Variants in ABCC4 observed in about 807,000 individuals in gnomAD.
ABCC4 encodes the protein ATP binding cassette subfamily C member 4 (PEL blood group).
In ABCC4, 102 loss-of-function variants were observed where a neutral mutation model predicts 168.5. The ratio of observed to expected loss-of-function variants is 0.61; its 90% CI spans 0.52 to 0.71. The LOEUF is 0.71. Among genes scored for constraint, ABCC4 ranks in the 30% least tolerant of loss-of-function variants. The pLI is 0.00. For synonymous variants in ABCC4, 617 were observed against 590.7 expected, an observed-to-expected ratio of 1.04 and a Z score of -0.65; for missense variants, 1,402 against 1,605.8, an observed-to-expected ratio of 0.87 and a Z score of 2.17.
At chr13:95,264,988 C>A (rs1398974869) in intron 1 of ABCC4, among the ~76,000 whole-genome samples, 1 of 151,574 alleles carries the variant, frequency 6.6e-6, no homozygotes, top group Non-Finnish European at 1.5e-5. Context: ...CCTGCCTCAG[C>A]CTCCTGAGTA....
intron 1 of ABCC4, among the ~76,000 whole-genome samples, chr13:95,255,418 CCTAAAGTTCAACGATCACCAGACA>C (rs1335536795): frequency 4.6e-5 from 7 of 152,120 alleles, no homozygotes; most frequent in East Asian, 1.9e-4. Context: ...TTCTCCATGC[CCTAAAGTTCAACGATCACCAGACA>C]CTAAAGTTCA....
intron 2 of ABCC4, 104 bp downstream of exon 2, chr13:95,247,539 A>C: frequency 1.2e-6 from 1 of 827,152 alleles, no homozygotes; most frequent in Non-Finnish European, 2.0e-6. Context: ...TATTCACCTT[A>C]AGGGTAAACG....
intron 20 of ABCC4, among the ~76,000 whole-genome samples, chr13:95,089,509 T>A (rs918131111): frequency 6.6e-6 from 1 of 152,052 alleles, no homozygotes; most frequent in Admixed American, 6.6e-5. Flanking sequence ...TCCCAGCTAC[T>A]TGGGAGGCTG....
At chr13:95,030,199 T>C (rs1210859095) in intron 30 of ABCC4, among the ~76,000 whole-genome samples, 1 of 152,134 alleles carries the variant, frequency 6.6e-6, no homozygotes, top group Non-Finnish European at 1.5e-5. Flanking sequence ...TTTTTTATTT[T>C]TAGTAGAGAC....
At chr13:95,110,977 A>T (rs35550449) in intron 20 of ABCC4, among the ~76,000 whole-genome samples, 1 of 111,568 alleles carries the variant, frequency 9.0e-6, no homozygotes, top group African/African-American at 3.1e-5. Flanking sequence ...CAGAAAAAAA[A>T]AAAGAAAGAA....
intron 25 of ABCC4, 68 bp downstream of exon 25, chr13:95,071,594 G>C: frequency 2.3e-6 from 3 of 1,315,258 alleles, no homozygotes; most frequent in Non-Finnish European, 3.0e-6. Flanking sequence ...CATCCACAAG[G>C]AAGACAACAA....
intron 8 of ABCC4, among the ~76,000 whole-genome samples, chr13:95,204,186 C>T (rs2038715357): frequency 6.6e-6 from 1 of 152,142 alleles, no homozygotes; most frequent in African/African-American, 2.4e-5. Flanking sequence ...GGGAAACACA[C>T]ACAGGTAAGC....
intron 26 of ABCC4, 62 bp downstream of exon 26, chr13:95,062,642 A>G (rs1183723074): frequency 6.9e-6 from 10 of 1,443,734 alleles, no homozygotes; most frequent in Non-Finnish European, 7.5e-6. Flanking sequence ...AATAAGAGTA[A>G]AAGCAATTAA....
chr13:95,070,456 T>A (rs2033687777), intron 25 of ABCC4, among the ~76,000 whole-genome samples: 1 of 151,994 alleles, frequency 6.6e-6, no homozygotes, highest in African/African-American at 2.4e-5. Context: ...TTGTTCTGGT[T>A]TAGTTCCTTC....
chr13:95,029,988 T>TATCTATCCATCC (rs1555302414), intron 30 of ABCC4, among the ~76,000 whole-genome samples: 5,845 of 146,396 alleles, frequency 0.04, 173 homozygotes, highest in Admixed American at 0.093. Flanking sequence ...CTTGTCTATC[T>TATCTATCCATCC]ATCCATCCAT....
In ABCC4 at chr13:95,298,100, C is replaced by T. The variant is rs139499789; in HGVS notation, c.74+3141G>A. 4.5e-3 allele frequency among the ~76,000 whole-genome samples: 688 copies of T among 152,106 alleles called. 6 individuals carry two copies. Among genetic ancestry groups the T allele is most frequent in the African/African-American group, 0.016 (665 of 41,482 alleles). On this transcript the variant is annotated intron_variant, in intron 1 of 30. Transcript: ENST00000645237. ...GGTCAGGAGTTCAAGACCAGCCTGG[C>T]CAACATGGTGCAACCCCATCTCTAC... is the stretch of plus-strand genomic sequence containing the variant.
chr13:95,056,418 AG>A (rs2033057688), intron 26 of ABCC4, among the ~76,000 whole-genome samples: 2 of 152,164 alleles, frequency 1.3e-5, no homozygotes, highest in Admixed American at 1.3e-4. Context: ...ATCCATTTTC[AG>A]AAGAAAAGAA....
At chr13:95,252,978 T>G (rs1222000578) in intron 1 of ABCC4, among the ~76,000 whole-genome samples, 1 of 152,264 alleles carries the variant, frequency 6.6e-6, no homozygotes, top group South Asian at 2.1e-4. Flanking sequence ...CAGTATCTGC[T>G]GTCTGGTGAC....
At chr13:95,056,465 G>A (rs550881546) in intron 26 of ABCC4, among the ~76,000 whole-genome samples, 45 of 152,254 alleles carry the variant, frequency 3.0e-4, no homozygotes, top group African/African-American at 7.9e-4. Context: ...AATTTAAGTC[G>A]TGTAAAGTCT....
intron 1 of ABCC4, among the ~76,000 whole-genome samples, chr13:95,269,149 T>C (rs1472084536): frequency 6.6e-6 from 1 of 152,142 alleles, no homozygotes; most frequent in Non-Finnish European, 1.5e-5. Context: ...CTGAGTTCTG[T>C]GAGTCATTCT....
At chr13:95,129,593 A>G (rs1292645330) in intron 19 of ABCC4, among the ~76,000 whole-genome samples, 1 of 152,210 alleles carries the variant, frequency 6.6e-6, no homozygotes, top group Non-Finnish European at 1.5e-5. Context: ...AATGTATAAT[A>G]TAACTAAAAT....
intron 30 of ABCC4, among the ~76,000 whole-genome samples, chr13:95,022,630 C>T (rs1474075443): frequency 1.3e-5 from 2 of 152,094 alleles, no homozygotes; most frequent in Non-Finnish European, 2.9e-5. Context: ...TTGTTTGAAT[C>T]TTTAAAACAG....
chr13:95,223,313 G>A (rs949725459), intron 4 of ABCC4, among the ~76,000 whole-genome samples: 1 of 152,100 alleles, frequency 6.6e-6, no homozygotes, highest in Non-Finnish European at 1.5e-5. Flanking sequence ...AAAGAAAGCA[G>A]TCTTCATAAT....
intron 3 of ABCC4, among the ~76,000 whole-genome samples, chr13:95,241,533 C>T (rs4283094): frequency 6.6e-6 from 1 of 151,806 alleles, no homozygotes; most frequent in African/African-American, 2.4e-5. Flanking sequence ...TCCTGCCCCC[C>T]CTGCAGGCTC....
Sources: gnomAD v4.1 joint callset for allele counts (sites outside exome capture counted in the v4.1 genomes callset) on GRCh38, gnomAD v4.1.1 for gene constraint, MANE v1.5 for transcripts, NCBI Gene and HGNC (gene_info 2026-07-23, HGNC 2026-07-21) for gene names.